Variants in YPEL2 observed in about 807,000 individuals in gnomAD.
YPEL2 encodes yippee like 2.
YPEL2 carries 2 observed loss-of-function variants against 19.1 expected under a neutral mutation model. The ratio of observed to expected loss-of-function variants is 0.10; its 90% CI spans 0.04 to 0.33. The LOEUF is 0.33. YPEL2 is among the 10% of genes least tolerant of loss of function. The probability of loss-of-function intolerance (pLI) is 1.00; values close to 1 mark genes in which losing one functional copy is unlikely to be tolerated. For missense variants in YPEL2, 66 were observed against 140.7 expected, an observed-to-expected ratio of 0.47 and a Z score of 2.68; for synonymous variants, 52 against 50.0, an observed-to-expected ratio of 1.04 and a Z score of -0.17.
At chr17:59,339,129 G>A (rs1004841279) in intron 1 of YPEL2, among the ~76,000 whole-genome samples, 2 of 27,940 alleles carry the variant, frequency 7.2e-5, no homozygotes, top group Admixed American at 7.8e-4. Context: ...CCACCCCAAC[G>A]CCTTGTTTCT....
At chr17:59,332,470 G>C (rs1043558303) in intron 1 of YPEL2, among the ~76,000 whole-genome samples, 2 of 152,128 alleles carry the variant, frequency 1.3e-5, no homozygotes, top group African/African-American at 4.8e-5. Context: ...CCTGCCCGAC[G>C]GAACGCGGGA....
At chr17:59,341,802 T>C (rs947732850) in intron 1 of YPEL2, among the ~76,000 whole-genome samples, 2 of 152,236 alleles carry the variant, frequency 1.3e-5, no homozygotes, top group Non-Finnish European at 2.9e-5. Context: ...AAAATCTATC[T>C]GCTATTCCCA....
intron 2 of YPEL2, among the ~76,000 whole-genome samples, chr17:59,383,590 A>T (rs2047961725): frequency 2.1e-5 from 1 of 46,778 alleles, no homozygotes; most frequent in African/African-American, 1.1e-4. Context: ...AAAAAAAAAA[A>T]AAAAAAAAAA....
chr17:59,386,553 T>A (rs889096504), intron 2 of YPEL2, among the ~76,000 whole-genome samples: 1 of 152,100 alleles, frequency 6.6e-6, no homozygotes, highest in African/African-American at 2.4e-5. Flanking sequence ...TGGTTTGGCC[T>A]GACTGGAGTG....
In YPEL2 at chr17:59,385,115, G is replaced by T. The variant is rs1479396472; in HGVS notation, c.118-3212G>T. 3.3e-5 allele frequency among the ~76,000 whole-genome samples: 5 copies of T among 152,156 alleles called. No individual in the cohort carries two copies. The South Asian group carries it at 8.3e-4, about 25-fold the overall frequency. On this transcript the variant is annotated intron_variant, in intron 2 of 4. Transcript: ENST00000312655. ...TCTCTTATTAAAACCAAACCAAAAA[G>T]AAATGAACTATAATATCCATAGAAT...
Position 59,400,571 on chromosome 17 carries a change from A to G in YPEL2, c.*3381A>G, listed in dbSNP as rs2048065682. The G allele has an allele frequency of 6.6e-6, 1 of 152,314 alleles. No homozygotes were observed. Among genetic ancestry groups the G allele is most frequent in the Non-Finnish European group, 1.5e-5 (1 of 67,976 alleles). 9.4% of individuals were successfully genotyped at this position (152,314 alleles called of 1,614,324 possible). A position where few individuals can be genotyped will look rare whatever the true frequency, so the allele number is the denominator to read the frequency against. ...CTCTCTGCATTTTTTCCCCAGTGGA[A>G]CAGACTCTGCAGTACATTAATCAGG... is the stretch of plus-strand genomic sequence containing the variant. On this transcript the variant is annotated 3_prime_UTR_variant, in exon 5 of 5. Coordinates refer to ENST00000312655, the MANE Select transcript of YPEL2 (RefSeq NM_001005404.4).
chr17:59,346,223 A>C (rs1308143542), intron 1 of YPEL2, among the ~76,000 whole-genome samples: 3 of 152,162 alleles, frequency 2.0e-5, no homozygotes, highest in Non-Finnish European at 4.4e-5. Flanking sequence ...GGCTGCTTTC[A>C]TTCTTCACAG....
At chr17:59,348,796 A>C (rs543927802) in intron 1 of YPEL2, among the ~76,000 whole-genome samples, 2 of 152,172 alleles carry the variant, frequency 1.3e-5, no homozygotes, top group Non-Finnish European at 2.9e-5. Context: ...TGGACTCATG[A>C]AGCCCCATGG....
intron 2 of YPEL2, among the ~76,000 whole-genome samples, chr17:59,361,471 C>T (rs988795954): frequency 4.6e-5 from 7 of 152,160 alleles, no homozygotes; most frequent in African/African-American, 7.2e-5. Flanking sequence ...AGTGTGATGA[C>T]GCATGTTTCC....
intron 2 of YPEL2, among the ~76,000 whole-genome samples, chr17:59,367,094 G>T (rs1387616662): frequency 6.6e-6 from 1 of 152,224 alleles, no homozygotes; most frequent in East Asian, 1.9e-4. Context: ...GACAGGAGGA[G>T]TATGGACTTT....
rs2047798219 is a variant in YPEL2 at position 59,353,633 on chromosome 17, G to A, written c.117+107G>A. ...TCAAGAATATTTGTACTCCATCTTT[G>A]TACAGGGAGGGCTGACCCACGTGAC... On this transcript the variant is annotated intron_variant, in intron 2 of 4. Coordinates refer to ENST00000312655, the MANE Select transcript of YPEL2 (RefSeq NM_001005404.4). This position sits in a 1 kb window ranked among gnomAD's most constrained non-coding sequence, Gnocchi z 4.8. 2.3e-6 allele frequency: 2 copies of A among 885,820 alleles called. No individual in the cohort carries two copies. The highest frequency in any genetic ancestry group is 3.8e-6 in the Non-Finnish European group (2 of 527,672). The allele number at this position is 885,820 out of a possible 1,614,324, so 54.9% of individuals were successfully genotyped here. A position where few individuals can be genotyped will look rare whatever the true frequency, so the allele number is the denominator to read the frequency against.
chr17:59,352,898 G>T (rs2047794477), intron 1 of YPEL2, among the ~76,000 whole-genome samples: 1 of 152,152 alleles, frequency 6.6e-6, no homozygotes, highest in South Asian at 2.1e-4. Context: ...TCTCCCTGGG[G>T]CTGTAGGTGG....
chr17:59,360,395 G>C (rs2047835032), intron 2 of YPEL2, among the ~76,000 whole-genome samples: 1 of 152,158 alleles, frequency 6.6e-6, no homozygotes, highest in Non-Finnish European at 1.5e-5. Flanking sequence ...GTGATTCTTA[G>C]ACATCACTTC....
intron 2 of YPEL2, among the ~76,000 whole-genome samples, chr17:59,374,737 G>A (rs554269655): frequency 2.0e-5 from 3 of 152,168 alleles, no homozygotes; most frequent in Admixed American, 6.5e-5. Context: ...TGAAGGGACC[G>A]GTAGGAAGAA....
chr17:59,342,104 G>T (rs1470736390), intron 1 of YPEL2, among the ~76,000 whole-genome samples: 3 of 152,216 alleles, frequency 2.0e-5, no homozygotes, highest in African/African-American at 7.2e-5. Flanking sequence ...TAGAGTTTTG[G>T]ATTTATTTGA....
chr17:59,338,744 A>G (rs547912766), intron 1 of YPEL2, among the ~76,000 whole-genome samples: 6 of 152,198 alleles, frequency 3.9e-5, no homozygotes, highest in East Asian at 1.9e-4. Flanking sequence ...GCACTGCACA[A>G]TGGCTAATTG....
intron 3 of YPEL2, 91 bp downstream of exon 3, chr17:59,388,461 T>C (rs1412738743): frequency 1.6e-6 from 2 of 1,259,470 alleles, no homozygotes; most frequent in African/African-American, 2.9e-5. Context: ...CAATGAACCC[T>C]GCCCTGTCTG....
intron 1 of YPEL2, among the ~76,000 whole-genome samples, chr17:59,334,351 A>G (rs1598020873): frequency 6.8e-6 from 1 of 147,508 alleles, no homozygotes; most frequent in Admixed American, 7.0e-5. Flanking sequence ...TCCAGACTGC[A>G]TAGCCTCGGG....
chr17:59,375,951 T>C (rs2047918712), intron 2 of YPEL2, among the ~76,000 whole-genome samples: 1 of 152,214 alleles, frequency 6.6e-6, no homozygotes, highest in African/African-American at 2.4e-5. Flanking sequence ...GTTCTGACCT[T>C]GACTTACAAG....
Sources: gnomAD v4.1 joint callset for allele counts (sites outside exome capture counted in the v4.1 genomes callset) on GRCh38, gnomAD v4.1.1 for gene constraint, Gnocchi (gnomAD v3.1) non-coding constraint, MANE v1.5 for transcripts, NCBI Gene and HGNC (gene_info 2026-07-23, HGNC 2026-07-21) for gene names.